The following SEMA5A variants were observed in gnomAD, a reference collection of about 807,000 sequenced individuals.
SEMA5A encodes the protein semaphorin-5A.
A neutral mutation model predicts 135.5 loss-of-function variants in SEMA5A; 55 were observed. That is an observed-to-expected ratio of 0.41 (90% confidence interval 0.33 to 0.51). The LOEUF is 0.51. Among genes scored for constraint, SEMA5A ranks in the 20% least tolerant of loss-of-function variants. The pLI, the probability that SEMA5A is intolerant of heterozygous loss-of-function variation, is 0.37. For synonymous variants in SEMA5A, 580 were observed against 546.5 expected, an observed-to-expected ratio of 1.06 and a Z score of -0.85; for missense variants, 1,290 against 1,419.9, an observed-to-expected ratio of 0.91 and a Z score of 1.47.
chr5:9,073,426 C>T (rs115586081), intron 16 of SEMA5A, among the ~76,000 whole-genome samples: 1,695 of 152,184 alleles, frequency 0.011, 37 homozygotes, highest in African/African-American at 0.038. Flanking sequence ...TAAGAACTCT[C>T]AATCAACTTG....
chr5:9,384,595 G>GATAGATAGATAGATAGATAC (rs1755766172), intron 2 of SEMA5A, among the ~76,000 whole-genome samples: 2 of 100,706 alleles, frequency 2.0e-5, no homozygotes, highest in Non-Finnish European at 4.3e-5. Context: ...TAGATAGATA[G>GATAGATAGATAGATAGATAC]ATAGATAGAT....
At chr5:9,254,434 CT>C (rs1000250051) in intron 5 of SEMA5A, among the ~76,000 whole-genome samples, 6 of 152,108 alleles carry the variant, frequency 3.9e-5, no homozygotes, top group African/African-American at 1.4e-4. Flanking sequence ...GAGACGTATG[CT>C]TGCTGAAAAC....
At chr5:9,082,664 G>T (rs1437323216) in intron 16 of SEMA5A, among the ~76,000 whole-genome samples, 1 of 152,174 alleles carries the variant, frequency 6.6e-6, no homozygotes, top group Non-Finnish European at 1.5e-5. Context: ...TGTTAAGTGA[G>T]ATAATGTGTT....
chr5:9,380,216 G>T (rs1384871781), intron 2 of SEMA5A, 193 bp from the exon 3 acceptor site: 1 of 405,748 alleles, frequency 2.5e-6, no homozygotes, highest in East Asian at 4.3e-5. Flanking sequence ...GCGTGAGTGC[G>T]TGTATCTCAA....
intron 13 of SEMA5A, among the ~76,000 whole-genome samples, chr5:9,130,501 G>A (rs902139683): frequency 6.6e-6 from 1 of 152,218 alleles, no homozygotes; most frequent in African/African-American, 2.4e-5. Flanking sequence ...CTGAAGCACT[G>A]TGCAGCCTCT....
At chr5:9,171,539 C>G (rs1579535782) in intron 11 of SEMA5A, among the ~76,000 whole-genome samples, 1 of 152,262 alleles carries the variant, frequency 6.6e-6, no homozygotes, top group African/African-American at 2.4e-5. Context: ...GAGTCCAGGG[C>G]CCCCAGCTCT....
At chr5:9,078,213 G>A (rs890703217) in intron 16 of SEMA5A, among the ~76,000 whole-genome samples, 3 of 152,208 alleles carry the variant, frequency 2.0e-5, no homozygotes, top group Non-Finnish European at 2.9e-5. Flanking sequence ...AGAAGCAAAT[G>A]CCTGTCCTTT....
intron 5 of SEMA5A, among the ~76,000 whole-genome samples, chr5:9,316,494 C>T (rs1448300665): frequency 6.6e-6 from 1 of 152,126 alleles, no homozygotes; most frequent in Non-Finnish European, 1.5e-5. Context: ...CACAGACCTA[C>T]AAAACCTCAC....
chr5:9,421,682 A>G (rs11134354), intron 2 of SEMA5A, among the ~76,000 whole-genome samples: 105,132 of 151,980 alleles, frequency 0.69, 37,232 homozygotes, highest in Middle Eastern at 0.81. Context: ...CTTACCTGTC[A>G]TGGGTGTTAT....
chr5:9,236,861 G>A (rs1295241111), intron 6 of SEMA5A, among the ~76,000 whole-genome samples: 5 of 152,080 alleles, frequency 3.3e-5, no homozygotes, highest in Non-Finnish European at 7.4e-5. Context: ...TTGCCTCAGT[G>A]TCTGACTCCC....
chr5:9,058,176 T>C, intron 18 of SEMA5A, among the ~76,000 whole-genome samples: 1 of 152,168 alleles, frequency 6.6e-6, no homozygotes, highest in African/African-American at 2.4e-5. Context: ...TTAGTAATAG[T>C]AATAATTAAA....
chr5:9,163,354 T>C (rs1044595674), intron 11 of SEMA5A, among the ~76,000 whole-genome samples: 5 of 152,216 alleles, frequency 3.3e-5, no homozygotes, highest in Non-Finnish European at 7.3e-5. Flanking sequence ...ATTTGCTATA[T>C]ATAATGTAGA....
chr5:9,116,980 T>C (rs537936836), intron 15 of SEMA5A, among the ~76,000 whole-genome samples: 13 of 152,340 alleles, frequency 8.5e-5, no homozygotes, highest in Non-Finnish European at 1.5e-4. Context: ...GACTATTCAA[T>C]AGAAAAGCTT....
At chr5:9,085,376 T>C (rs1738622780) in intron 16 of SEMA5A, among the ~76,000 whole-genome samples, 1 of 152,100 alleles carries the variant, frequency 6.6e-6, no homozygotes, top group Admixed American at 6.5e-5. Flanking sequence ...GAGGAAAAAG[T>C]GGTTACCTGG....
intron 1 of SEMA5A, among the ~76,000 whole-genome samples, chr5:9,499,472 C>T (rs576348748): frequency 6.6e-6 from 1 of 152,248 alleles, no homozygotes; most frequent in Admixed American, 6.5e-5. Context: ...ACAAAGGATG[C>T]CTCATTGACC....
intron 2 of SEMA5A, among the ~76,000 whole-genome samples, chr5:9,414,031 AT>A (rs1201047256): frequency 6.6e-6 from 1 of 152,198 alleles, no homozygotes; most frequent in Non-Finnish European, 1.5e-5. Context: ...GGAGGATCTG[AT>A]TCATAATTAT....
At chr5:9,515,536 G>A (rs891063419) in intron 1 of SEMA5A, among the ~76,000 whole-genome samples, 28 of 152,166 alleles carry the variant, frequency 1.8e-4, no homozygotes. Flanking sequence ...GGGAGAACGT[G>A]CAATGTTCCC....
At chr5:9,526,188 T>G (rs890779538) in intron 1 of SEMA5A, among the ~76,000 whole-genome samples, 2 of 152,236 alleles carry the variant, frequency 1.3e-5, no homozygotes, top group African/African-American at 4.8e-5. Context: ...GATTTATAAA[T>G]ATTGAAAGGT....
At chr5:9,496,523 T>G (rs1420359592) in intron 1 of SEMA5A, among the ~76,000 whole-genome samples, 1 of 152,060 alleles carries the variant, frequency 6.6e-6, no homozygotes, top group Admixed American at 6.6e-5. Flanking sequence ...TGAACTGTAA[T>G]GAAGCAGCTA....
Sources: allele counts gnomAD v4.1 joint callset (sites outside exome capture counted in the v4.1 genomes callset), GRCh38; gene constraint gnomAD v4.1.1; transcripts MANE v1.5; gene names NCBI Gene and HGNC (gene_info 2026-07-23, HGNC 2026-07-21).